Variants in PASK observed in about 807,000 individuals in gnomAD.
The protein encoded by PASK is PAS domain containing serine/threonine kinase.
In PASK, 110 loss-of-function variants were observed where a neutral mutation model predicts 121.0. The observed-to-expected ratio is 0.91, with a 90% CI of 0.78 to 1.06. The LOEUF is 1.06. PASK is among the 50% of genes least tolerant of loss of function. The probability of loss-of-function intolerance (pLI) is 0.00; values close to 1 mark genes in which losing one functional copy is unlikely to be tolerated. For synonymous variants in PASK, 686 were observed against 717.8 expected (o/e 0.96, Z 0.71); for missense variants, 1,643 against 1,702.3 (o/e 0.97, Z 0.61).
Position 241,126,481 on chromosome 2 carries a change from G to A in PASK, c.2434C>T (p.Arg812Trp), listed in dbSNP as rs777535373. 29 of 1,614,102 alleles carry A rather than the reference G, an allele frequency of 1.8e-5. No individual in the cohort carries two copies. Among genetic ancestry groups the A allele is most frequent in the Middle Eastern group, 1.6e-4 (1 of 6,084 alleles). Residue 812 changes from arginine to tryptophan, a missense_variant, in exon 10 of 18, where the codon CGG becomes TGG. This residue lies in a region of PASK where 1,176 missense variants were observed against 1,162.2 expected (regional missense o/e 1.01). Transcript: ENST00000234040. ...GTCVDLGQGR[R>W]FRESCVGHDP... ...TGTCCCACACAGCTCTCCCGGAACC[G>A]TCGGCCTTGGCCAAGGTCAACACAG... is the stretch of plus-strand genomic sequence containing the variant.
At chr2:241,125,258 G>A (rs889820076) in intron 10 of PASK, among the ~76,000 whole-genome samples, 2 of 151,204 alleles carry the variant, frequency 1.3e-5, no homozygotes, top group Admixed American at 6.6e-5. Flanking sequence ...CCGAGACCAT[G>A]CCATTGCACT....
intron 11 of PASK, 76 bp downstream of exon 11, chr2:241,123,871 CAG>C (rs1206204090): frequency 1.7e-6 from 2 of 1,197,926 alleles, no homozygotes; most frequent in Non-Finnish European, 1.2e-6. Context: ...CCCAAGGAAA[CAG>C]AGAGAGATGC....
chr2:241,108,324 G>T lies in PASK; in HGVS notation c.3534-24C>A. ...AGCTGTGAGGAGGAGGAGGCATCAG[G>T]ACGCCACGGCACTCAGCGCAGGCTT... On this transcript the variant is annotated intron_variant, in intron 15 of 17. Transcript: ENST00000234040. This position sits in a 1 kb window ranked among gnomAD's most constrained non-coding sequence, Gnocchi z 5.2. 1 of 1,613,566 alleles carries T rather than the reference G, an allele frequency of 6.2e-7. No individual in the cohort carries two copies. The highest frequency in any genetic ancestry group is 8.5e-7 in the Non-Finnish European group (1 of 1,179,846).
rs372343266 is a variant in PASK at position 241,135,935 on chromosome 2, C to T, written c.1242G>A (p.Glu414=). ...CCAAGGTTCTCTCCCCACACCCACTCTCATTGCCGACGTCCAGGCAGCTGG... is the reference window on the plus strand; with the variant it reads ...CCAAGGTTCTCTCCCCACACCCACTTTCATTGCCGACGTCCAGGCAGCTGG... ...DLASCLDVGN[E]SGCGERTLDP... is the part of the protein sequence containing the mutation. The change falls in exon 8 of 18, where the codon GAG becomes GAA. Residue 414 remains glutamate, a synonymous_variant. Transcript: ENST00000234040. The T allele has an allele frequency of 1.2e-6, 2 of 1,614,130 alleles. No individual in the cohort carries two copies. Among genetic ancestry groups the T allele is most frequent in the Non-Finnish European group, 1.7e-6 (2 of 1,180,056 alleles).
At chr2:241,150,148 G>A, upstream of PASK, 1 of 1,273,882 alleles carries the variant, frequency 7.9e-7, no homozygotes, top group Non-Finnish European at 9.9e-7. Context: ...AGTGACATAA[G>A]TCAACTCTCA....
At chr2:241,134,915 CAG>C (rs369362339) in intron 8 of PASK, 52 of 152,574 alleles carry the variant, frequency 3.4e-4, no homozygotes, top group African/African-American at 1.1e-3. Flanking sequence ...GCCCTGGAGG[CAG>C]AGTTCCGGGG....
rs735522 is a variant in PASK at position 241,113,830 on chromosome 2, G to A, written c.3333+1213C>T. 7.4e-3 allele frequency: 7,339 copies of A among 985,418 alleles called. 413 individuals carry two copies. The African/African-American group carries it at 0.11, about 15-fold the overall frequency. The allele number at this position is 985,418 out of a possible 1,614,324, so 61.0% of individuals were successfully genotyped here. ...AGCTCCCCGACCCCGCTGCTGAGCA[G>A]GTCCTGATGAATCTGGAGCTGACAG... is the stretch of plus-strand genomic sequence containing the variant. On this transcript the variant is annotated intron_variant, in intron 14 of 17. Coordinates refer to ENST00000234040, the MANE Select transcript of PASK (RefSeq NM_015148.4).
chr2:241,131,150 ATT>A (rs58426249), intron 9 of PASK, among the ~76,000 whole-genome samples: 97 of 141,802 alleles, frequency 6.8e-4, no homozygotes, highest in African/African-American at 1.6e-3. Flanking sequence ...CATGTATTAC[ATT>A]TTTTTTTTTT....
chr2:241,130,185 T>C (rs767410722), intron 9 of PASK, among the ~76,000 whole-genome samples: 1 of 152,210 alleles, frequency 6.6e-6, no homozygotes, highest in Admixed American at 6.5e-5. Context: ...AAGTCTTCTG[T>C]AATGCTTATT....
intron 1 of PASK, among the ~76,000 whole-genome samples, chr2:241,143,561 A>G (rs889112345): frequency 6.8e-6 from 1 of 147,622 alleles, no homozygotes; most frequent in Non-Finnish European, 1.5e-5. Flanking sequence ...AAAAAAAAAG[A>G]AAAAAAAAAA....
rs568145375 is a variant in PASK at position 241,120,492 on chromosome 2, C to CAAAAAAAAAAAAAAAA, written c.3072+2239_3072+2240insTTTTTTTTTTTTTTTT. Among the ~76,000 whole-genome samples the CAAAAAAAAAAAAAAAA allele has an allele frequency of 4.3e-5, 6 of 139,942 alleles. 1 individual carries two copies. Among genetic ancestry groups the CAAAAAAAAAAAAAAAA allele is most frequent in the East Asian group, 2.7e-4 (1 of 3,702 alleles). 91.8% of individuals were successfully genotyped at this position (139,942 alleles called of 152,430 possible). A position where few individuals can be genotyped will look rare whatever the true frequency, so the allele number is the denominator to read the frequency against. ...TGGGCGACAAAGCAAGACTCTGTCT[C>CAAAAAAAAAAAAAAAA]AAAAGAAAAAAAAAATGGGCAAAGG... On this transcript the variant is annotated intron_variant, in intron 12 of 17. Transcript: ENST00000234040.
intron 14 of PASK, chr2:241,114,332 A>C: frequency 1.0e-6 from 1 of 985,446 alleles, no homozygotes; most frequent in Non-Finnish European, 1.2e-6. Flanking sequence ...TTAGAAATCG[A>C]GTTGTCCCCA....
intron 12 of PASK, among the ~76,000 whole-genome samples, chr2:241,121,837 A>C (rs777596252): frequency 2.0e-5 from 3 of 152,274 alleles, no homozygotes; most frequent in Non-Finnish European, 2.9e-5. Context: ...AAATATATGA[A>C]GTAAAATCTG....
intron 1 of PASK, among the ~76,000 whole-genome samples, chr2:241,143,832 A>G (rs1049614474): frequency 5.9e-5 from 9 of 152,246 alleles, no homozygotes; most frequent in African/African-American, 2.2e-4. Context: ...GCTGCCAACA[A>G]GTGAGGTCGC....
intron 11 of PASK, 64 bp from the exon 12 acceptor site, chr2:241,122,963 A>G: frequency 6.5e-7 from 1 of 1,527,994 alleles, no homozygotes; most frequent in Non-Finnish European, 9.0e-7. Context: ...TGCAGCACCC[A>G]CAGTGGTCCC....
chr2:241,110,009 T>C (rs2065041697), intron 15 of PASK, among the ~76,000 whole-genome samples: 1 of 152,210 alleles, frequency 6.6e-6, no homozygotes, highest in African/African-American at 2.4e-5. Flanking sequence ...GCACACACGT[T>C]TGTAGCAGCA....
At chr2:241,114,683 G>C in intron 14 of PASK, 3 of 1,214,218 alleles carry the variant, frequency 2.5e-6, no homozygotes, top group Non-Finnish European at 3.1e-6. Context: ...ACAACCTGCA[G>C]GCCGCTGTGC....
intron 12 of PASK, among the ~76,000 whole-genome samples, chr2:241,121,281 G>A (rs1375918713): frequency 6.6e-6 from 1 of 152,176 alleles, no homozygotes; most frequent in African/African-American, 2.4e-5. Flanking sequence ...GCACAATTCT[G>A]TATATACTAA....
At chr2:241,139,436 G>A (rs2066596047) in intron 4 of PASK, 1 of 447,652 alleles carries the variant, frequency 2.2e-6, no homozygotes, top group Non-Finnish European at 4.7e-6. Flanking sequence ...TTGGACACAT[G>A]GCACAGGTGA....
Sources: gnomAD v4.1 joint callset for allele counts (sites outside exome capture counted in the v4.1 genomes callset) on GRCh38, gnomAD v4.1.1 for gene constraint, gnomAD v4.1.1 regional missense constraint, Gnocchi (gnomAD v3.1) non-coding constraint, MANE v1.5 for transcripts, NCBI Gene and HGNC (gene_info 2026-07-23, HGNC 2026-07-21) for gene names.